TNRC6A: variants seen among roughly 807,000 people sequenced by gnomAD.
The protein encoded by TNRC6A is trinucleotide repeat-containing gene 6A protein.
TNRC6A carries 44 observed loss-of-function variants against 221.2 expected under a neutral mutation model. The ratio of observed to expected loss-of-function variants is 0.20; its 90% confidence interval spans 0.16 to 0.26. The LOEUF (loss-of-function observed/expected upper bound fraction) is 0.26. TNRC6A is among the 10% of genes least tolerant of loss of function. TNRC6A has a pLI of 1.00. For missense variants in TNRC6A, 2,199 were observed against 2,404.4 expected, an observed-to-expected ratio of 0.91 and a Z score of 1.79; for synonymous variants, 847 against 838.5, an observed-to-expected ratio of 1.01 and a Z score of -0.18.
chr16:24,764,040 A>G (rs952349561), intron 4 of TNRC6A, among the ~76,000 whole-genome samples: 1 of 152,150 alleles, frequency 6.6e-6, no homozygotes, highest in East Asian at 1.9e-4. Context: ...ATTATTAACT[A>G]TATATCAGAT....
chr16:24,790,975 C>T lies in TNRC6A; in HGVS notation c.2333C>T (p.Ser778Leu), dbSNP rs1249902794. Residue 778 changes from serine to leucine, a missense_variant, in exon 6 of 25, where the codon TCA becomes TTA. Ser to Leu is a moderately radical substitution (Grantham distance 145). This residue lies in a region of TNRC6A where 1,405 missense variants were observed against 1,400.2 expected (regional missense o/e 1.00). Coordinates refer to ENST00000395799, the MANE Select transcript of TNRC6A (RefSeq NM_014494.4). ...DKTSPNGNDT[S>L]SVSGWGDPKP... ...ACTAGCCCTAATGGTAATGATACCT[C>T]ATCTGTATCAGGGTGGGGCGATCCC... is the stretch of plus-strand genomic sequence containing the variant. 5 of 1,606,492 alleles carry T rather than the reference C, an allele frequency of 3.1e-6. No homozygotes were observed. The highest frequency in any genetic ancestry group is 4.3e-6 in the Non-Finnish European group (5 of 1,176,354).
chr16:24,671,578 A>G (rs1189253147), intron 2 of TNRC6A, among the ~76,000 whole-genome samples: 1 of 152,184 alleles, frequency 6.6e-6, no homozygotes, highest in African/African-American at 2.4e-5. Flanking sequence ...AGAATGTGGT[A>G]CCCATGTGGT....
chr16:24,789,545 C>G lies in TNRC6A; in HGVS notation c.903C>G (p.Ser301Arg). The G allele has an allele frequency of 6.2e-7, 1 of 1,614,014 alleles. No homozygotes were observed. Among genetic ancestry groups the G allele is most frequent in the Non-Finnish European group, 8.5e-7 (1 of 1,180,010 alleles). ...ACAAGTTTGTAGTTGGTAGCAGCAG[C>G]AATAATGTGGGCCATGGAAGTAGTA... ...SQNKFVVGSS[S>R]NNVGHGSSTG... Residue 301 changes from serine to arginine, a missense_variant, in exon 6 of 25, where the codon AGC becomes AGG. Transcript: ENST00000395799.
intron 2 of TNRC6A, among the ~76,000 whole-genome samples, chr16:24,747,970 G>T (rs1297828925): frequency 6.6e-6 from 1 of 152,170 alleles, no homozygotes; most frequent in Non-Finnish European, 1.5e-5. Flanking sequence ...GTAATTCACA[G>T]CAGAACATGA....
chr16:24,712,915 G>GTGTGTGTA (rs1195941062), intron 2 of TNRC6A, among the ~76,000 whole-genome samples: 1,568 of 42,570 alleles, frequency 0.037, 56 homozygotes, highest in African/African-American at 0.078. Context: ...CACTGTGTGT[G>GTGTGTGTA]TGTGTGTGTG....
chr16:24,822,203 A>G, intron 23 of TNRC6A, 56 bp downstream of exon 23: 2 of 1,569,888 alleles, frequency 1.3e-6, no homozygotes, highest in South Asian at 1.1e-5. Flanking sequence ...ATGGGAACAG[A>G]GGTTCGGGTC....
At position 24,695,412 on chromosome 16, in the gene TNRC6A, G is replaced by GT. The variant is rs1038182548; in HGVS notation, n.402+54410dup. ...TATACATATATATATTTTTTGTTTT[G>GT]TTTTTTTGAGACAGTCTCGCTCTGT... On this transcript the variant is annotated intron_variant and non_coding_transcript_variant, in intron 2 of 2. Transcript: ENST00000566108. 7.9e-5 allele frequency among the ~76,000 whole-genome samples: 12 copies of GT among 151,926 alleles called. 1 individual carries two copies. The highest frequency in any genetic ancestry group is 3.3e-4 in the Admixed American group (5 of 15,234).
chr16:24,655,255 TTGAAAGGCGGGGGGGAACAC>T (rs1328697643), intron 2 of TNRC6A, among the ~76,000 whole-genome samples: 1 of 151,454 alleles, frequency 6.6e-6, no homozygotes, highest in African/African-American at 2.4e-5. Flanking sequence ...AAAAAAAAAT[TTGAAAGGCGGGGGGGAACAC>T]TGATAGAAAA....
chr16:24,719,037 C>CAAAA (rs1197000057), intron 2 of TNRC6A, among the ~76,000 whole-genome samples: 1 of 86,062 alleles, frequency 1.2e-5, no homozygotes, highest in African/African-American at 3.7e-5. Flanking sequence ...ACTCTGTCTC[C>CAAAA]AAAAAAAAAA....
intron 1 of TNRC6A, among the ~76,000 whole-genome samples, chr16:24,618,122 G>A (rs929152589): frequency 3.1e-5 from 4 of 128,304 alleles, no homozygotes; most frequent in Non-Finnish European, 6.7e-5. Flanking sequence ...GTTTCGCCAT[G>A]TTGCCCAGAC....
At chr16:24,667,360 G>A (rs961568831) in intron 2 of TNRC6A, among the ~76,000 whole-genome samples, 1 of 152,178 alleles carries the variant, frequency 6.6e-6, no homozygotes, top group South Asian at 2.1e-4. Flanking sequence ...CAACAACAGG[G>A]ATCCCAAAGT....
chr16:24,630,769 C>A (rs904764812), intron 1 of TNRC6A, among the ~76,000 whole-genome samples: 1 of 152,208 alleles, frequency 6.6e-6, no homozygotes, highest in African/African-American at 2.4e-5. Context: ...ACAAACATGG[C>A]TAGTCAGAAG....
chr16:24,793,958 C>T (rs1057111016), intron 7 of TNRC6A, among the ~76,000 whole-genome samples: 1 of 152,114 alleles, frequency 6.6e-6, no homozygotes, highest in African/African-American at 2.4e-5. Context: ...TGCCATCCAG[C>T]CTGAGAGGCC....
At chr16:24,793,932 C>G (rs1302698701) in intron 7 of TNRC6A, among the ~76,000 whole-genome samples, 1 of 152,142 alleles carries the variant, frequency 6.6e-6, no homozygotes, top group Non-Finnish European at 1.5e-5. Context: ...TAGGAAGAGT[C>G]TACTAGCAAC....
chr16:24,694,381 C>T (rs776113581), intron 2 of TNRC6A, among the ~76,000 whole-genome samples: 8 of 152,088 alleles, frequency 5.3e-5, no homozygotes, highest in East Asian at 1.9e-4. Flanking sequence ...CCTTGCTGGG[C>T]GCGGTGGCTC....
intron 2 of TNRC6A, among the ~76,000 whole-genome samples, chr16:24,687,825 A>AGAAGAGGAAGAGGAAGAG (rs1425710632): frequency 7.4e-6 from 1 of 134,776 alleles, no homozygotes; most frequent in South Asian, 2.5e-4. Flanking sequence ...AGGAAGAGGA[A>AGAAGAGGAAGAGGAAGAG]GAAGAGGAAG....
intron 1 of TNRC6A, among the ~76,000 whole-genome samples, chr16:24,635,552 G>A (rs576539590): frequency 6.6e-6 from 1 of 152,178 alleles, no homozygotes; most frequent in Admixed American, 6.5e-5. Flanking sequence ...CAAAGTGCTG[G>A]GATTGCAGGC....
chr16:24,746,473 A>G (rs569346631), intron 2 of TNRC6A, among the ~76,000 whole-genome samples: 7 of 152,308 alleles, frequency 4.6e-5, no homozygotes, highest in Admixed American at 1.3e-4. Flanking sequence ...TCTGTACACT[A>G]TGGAAATCTA....
chr16:24,823,526 C>A lies in TNRC6A; in HGVS notation c.5608C>A (p.Pro1870Thr), dbSNP rs1280050363. 3.1e-6 allele frequency: 5 copies of A among 1,614,196 alleles called. No homozygotes were observed. The highest frequency in any genetic ancestry group is 3.4e-6 in the Non-Finnish European group (4 of 1,180,038). Reference sequence around the variant, plus strand: ...ACAAAGCCAGTCTCTGACCCCTTCTCCCGGCTGGCAGTCTCTCGGGTCCAG... The same window carrying A: ...ACAAAGCCAGTCTCTGACCCCTTCTACCGGCTGGCAGTCTCTCGGGTCCAG... ...FAQSQSLTPS[P>T]GWQSLGSSQS... Residue 1870 changes from proline (P) to threonine (T), a missense_variant, in exon 25 of 25, where the codon CCC (proline) becomes ACC (threonine). Pro to Thr is a conservative substitution (Grantham distance 38). Transcript: ENST00000395799. This position sits in a 1 kb window ranked among gnomAD's most constrained non-coding sequence, Gnocchi z 4.3.
Sources: allele counts gnomAD v4.1 joint callset (sites outside exome capture counted in the v4.1 genomes callset), GRCh38; gene constraint gnomAD v4.1.1; regional missense constraint gnomAD v4.1.1; non-coding constraint Gnocchi (gnomAD v3.1); transcripts MANE v1.5; gene names NCBI Gene and HGNC (gene_info 2026-07-23, HGNC 2026-07-21).